The following COLQ variants were observed in gnomAD, a reference collection of about 807,000 sequenced individuals.
COLQ encodes acetylcholinesterase collagenic tail peptide.
A neutral mutation model predicts 69.0 loss-of-function variants in COLQ; 48 were observed. The ratio of observed to expected loss-of-function variants is 0.70; its 90% CI spans 0.55 to 0.88. The LOEUF (loss-of-function observed/expected upper bound fraction) is 0.88, where lower values mean the gene tolerates loss of function less well. Among genes scored for constraint, COLQ ranks in the 40% least tolerant of loss-of-function variants. The pLI, the probability that COLQ is intolerant of heterozygous loss-of-function variation, is 0.00. For synonymous variants in COLQ, 217 were observed against 211.2 expected (o/e 1.03, Z -0.24); for missense variants, 618 against 594.6 (o/e 1.04, Z -0.41).
At chr3:15,508,673 C>A (rs954676035) in intron 1 of COLQ, among the ~76,000 whole-genome samples, 1 of 152,040 alleles carries the variant, frequency 6.6e-6, no homozygotes, top group African/African-American at 2.4e-5. Flanking sequence ...ATTCACATCC[C>A]CTCCTAGGAG....
chr3:15,458,490 A>G (rs565937343), intron 12 of COLQ, among the ~76,000 whole-genome samples, 165 bp from the exon 13 acceptor site: 9 of 152,358 alleles, frequency 5.9e-5, no homozygotes, highest in Admixed American at 6.5e-5. Context: ...CAAGACATGG[A>G]GGAGCTAAGG....
At chr3:15,489,486 C>A in intron 2 of COLQ, 39 bp downstream of exon 2, 1 of 1,593,312 alleles carries the variant, frequency 6.3e-7, no homozygotes, top group Non-Finnish European at 8.6e-7. Context: ...ACTGAGTAGC[C>A]TGCACTTTTT....
chr3:15,478,106 T>G (rs1033111648), intron 5 of COLQ, among the ~76,000 whole-genome samples: 3 of 152,238 alleles, frequency 2.0e-5, no homozygotes, highest in Non-Finnish European at 4.4e-5. Flanking sequence ...CCCACATCCA[T>G]GGCGACATCA....
At chr3:15,507,911 T>C (rs1466155794) in intron 1 of COLQ, among the ~76,000 whole-genome samples, 2 of 152,228 alleles carry the variant, frequency 1.3e-5, no homozygotes, top group Non-Finnish European at 2.9e-5. Flanking sequence ...AAACACTTTA[T>C]TATATGGCTT....
At chr3:15,463,231 C>T (rs7615998) in intron 12 of COLQ, among the ~76,000 whole-genome samples, 2,844 of 152,136 alleles carry the variant, frequency 0.019, 82 homozygotes, top group African/African-American at 0.063. Flanking sequence ...CCATTAAGAT[C>T]CCAGTCCGCT....
intron 1 of COLQ, among the ~76,000 whole-genome samples, chr3:15,515,699 C>T (rs921378630): frequency 2.0e-5 from 3 of 151,942 alleles, no homozygotes; most frequent in South Asian, 2.1e-4. Flanking sequence ...CCAGCTACTC[C>T]GGAGACTGAG....
chr3:15,466,774 C>G (rs1328580421), intron 11 of COLQ, among the ~76,000 whole-genome samples: 1 of 152,222 alleles, frequency 6.6e-6, no homozygotes, highest in African/African-American at 2.4e-5. Flanking sequence ...CCGTTGCACT[C>G]AGGATAAAGA....
chr3:15,468,321 GTTTTTTTTT>G (rs540716062), intron 11 of COLQ, among the ~76,000 whole-genome samples: 8 of 71,316 alleles, frequency 1.1e-4, no homozygotes, highest in Non-Finnish European at 1.5e-4. Context: ...AGTTACTGAA[GTTTTTTTTT>G]TTTTTTTTTT....
At chr3:15,475,876 G>A (rs1354590861) in intron 6 of COLQ, among the ~76,000 whole-genome samples, 3 of 152,130 alleles carry the variant, frequency 2.0e-5, no homozygotes, top group Admixed American at 1.3e-4. Flanking sequence ...TTTGCTCTTT[G>A]CATAGGAAGG....
intron 15 of COLQ, 121 bp from the exon 16 acceptor site, chr3:15,454,052 A>G: frequency 2.8e-6 from 2 of 715,046 alleles, no homozygotes; most frequent in East Asian, 5.4e-5. Flanking sequence ...TAAAGAACTG[A>G]CCTCCATTAA....
chr3:15,464,213 A>G (rs887601515), intron 12 of COLQ, among the ~76,000 whole-genome samples: 1 of 152,150 alleles, frequency 6.6e-6, no homozygotes. Context: ...TGAGAAAGAG[A>G]CAGGTCTCAG....
chr3:15,488,334 G>C (rs1559524831), intron 2 of COLQ, 27 bp from the exon 3 acceptor site: 1 of 1,594,252 alleles, frequency 6.3e-7, no homozygotes, highest in Admixed American at 1.7e-5. Context: ...CACAGAGTTA[G>C]AGGTCAGGCG....
At chr3:15,475,146 C>T (rs919674739) in intron 7 of COLQ, 195 bp from the exon 8 acceptor site, 1 of 689,334 alleles carries the variant, frequency 1.5e-6, no homozygotes, top group Non-Finnish European at 2.5e-6. Context: ...AGGAACATTG[C>T]TTTTATCACT....
At chr3:15,514,436 G>C (rs911028908) in intron 1 of COLQ, among the ~76,000 whole-genome samples, 1 of 152,142 alleles carries the variant, frequency 6.6e-6, no homozygotes, top group Admixed American at 6.5e-5. Flanking sequence ...GTAGTTCAGT[G>C]ATTAGCCCTG....
intron 1 of COLQ, among the ~76,000 whole-genome samples, chr3:15,512,572 C>T (rs926366159): frequency 6.6e-6 from 1 of 151,986 alleles, no homozygotes; most frequent in Non-Finnish European, 1.5e-5. Context: ...TCTTTTTTGC[C>T]GTAACTCACT....
chr3:15,495,864 C>A (rs111598693), intron 1 of COLQ, among the ~76,000 whole-genome samples: 83 of 152,290 alleles, frequency 5.5e-4, no homozygotes, highest in African/African-American at 1.9e-3. Context: ...CAGGTTCACA[C>A]CAATCCCGGA....
intron 1 of COLQ, among the ~76,000 whole-genome samples, chr3:15,512,415 T>C (rs2062999143): frequency 6.6e-6 from 1 of 152,136 alleles, no homozygotes. Context: ...AGCTAAATGC[T>C]CCTGGGCTGG....
chr3:15,488,302 G>T lies in COLQ; in HGVS notation c.225C>A (p.Leu75=). ...PFFRGGRSPL[L]SPDMKNLMLE... is the part of the protein sequence containing the mutation. ...GCATGAGATTCTTCATGTCTGGGGA[G>T]AGAAGCTTCAGTACAAAGCAACACA... Residue 75 remains leucine (L), a synonymous_variant, in exon 3 of 17, where the codon CTC becomes CTA. Coordinates refer to ENST00000383788, the MANE Select transcript of COLQ (RefSeq NM_005677.4). The T allele has an allele frequency of 6.2e-7, 1 of 1,613,266 alleles. No homozygotes were observed. Among genetic ancestry groups the T allele is most frequent in the Non-Finnish European group, 8.5e-7 (1 of 1,179,872 alleles).
At chr3:15,514,335 C>A (rs2063027349) in intron 1 of COLQ, among the ~76,000 whole-genome samples, 1 of 151,866 alleles carries the variant, frequency 6.6e-6, no homozygotes, top group African/African-American at 2.4e-5. Flanking sequence ...ACTCTTGGGC[C>A]TCACATTAGA....
Sources: gnomAD v4.1 joint callset for allele counts (sites outside exome capture counted in the v4.1 genomes callset) on GRCh38, gnomAD v4.1.1 for gene constraint, MANE v1.5 for transcripts, NCBI Gene and HGNC (gene_info 2026-07-23, HGNC 2026-07-21) for gene names.